The following TRHDE variants were observed in gnomAD, a reference collection of about 807,000 sequenced individuals.
TRHDE encodes thyrotropin-releasing hormone-degrading ectoenzyme.
In TRHDE, 72 loss-of-function variants were observed where a neutral mutation model predicts 125.7. The observed-to-expected ratio is 0.57, with a 90% CI of 0.47 to 0.70. The LOEUF (loss-of-function observed/expected upper bound fraction) is 0.70. Ranked by LOEUF, TRHDE falls within the 30% of genes least tolerant of loss-of-function variation. The pLI is 0.00. For missense variants in TRHDE, 1,110 were observed against 1,327.1 expected (o/e 0.84, Z 2.54); for synonymous variants, 509 against 509.1 (o/e 1.00, Z 0.00).
chr12:72,411,074 G>A (rs929209382), intron 3 of TRHDE, among the ~76,000 whole-genome samples: 4 of 151,920 alleles, frequency 2.6e-5, no homozygotes, highest in Admixed American at 6.6e-5. Flanking sequence ...GTGGTGGCAG[G>A]CACCTGTAGT....
chr12:72,383,787 C>A, intron 3 of TRHDE, among the ~76,000 whole-genome samples: 1 of 149,778 alleles, frequency 6.7e-6, no homozygotes, highest in East Asian at 2.0e-4. Context: ...TATGTTTTGA[C>A]CACACAGCAG....
At chr12:72,594,446 G>A (rs1000576505) in intron 12 of TRHDE, among the ~76,000 whole-genome samples, 16 of 150,624 alleles carry the variant, frequency 1.1e-4, no homozygotes, top group African/African-American at 2.2e-4. Flanking sequence ...TCGAACTCCC[G>A]GCCTCAGGTC....
intron 3 of TRHDE, among the ~76,000 whole-genome samples, chr12:72,420,186 T>C (rs749896372): frequency 6.6e-6 from 1 of 152,142 alleles, no homozygotes; most frequent in Non-Finnish European, 1.5e-5. Context: ...CTAAGATCAA[T>C]ACTAAAATTA....
intron 2 of TRHDE, among the ~76,000 whole-genome samples, chr12:72,310,551 T>C (rs749552240): frequency 7.2e-5 from 11 of 152,178 alleles, no homozygotes; most frequent in Non-Finnish European, 1.3e-4. Flanking sequence ...AGTGTGAAAA[T>C]GCTATGAAAT....
intron 3 of TRHDE, among the ~76,000 whole-genome samples, chr12:72,448,086 T>G (rs1283686358): frequency 6.6e-6 from 1 of 152,128 alleles, no homozygotes; most frequent in Non-Finnish European, 1.5e-5. Flanking sequence ...ATTTGTTGTT[T>G]TGAAAGCCTG....
chr12:72,210,217 T>A (rs1252367586), intron 2 of TRHDE, among the ~76,000 whole-genome samples: 1 of 126,134 alleles, frequency 7.9e-6, no homozygotes, highest in East Asian at 2.4e-4. Context: ...TACTTTCTGA[T>A]AAAGTAGCAT....
chr12:72,603,239 G>A (rs1713625865), intron 12 of TRHDE, among the ~76,000 whole-genome samples: 1 of 152,146 alleles, frequency 6.6e-6, no homozygotes, highest in Non-Finnish European at 1.5e-5. Context: ...TCAGGCAAAT[G>A]GAAAGTAAGC....
chr12:72,402,617 T>G (rs1873090876), intron 3 of TRHDE, among the ~76,000 whole-genome samples: 1 of 152,218 alleles, frequency 6.6e-6, no homozygotes, highest in Non-Finnish European at 1.5e-5. Context: ...TCATCTTAAG[T>G]TGATCCTGTG....
intron 5 of TRHDE, among the ~76,000 whole-genome samples, chr12:72,494,465 C>T (rs1877816153): frequency 6.6e-6 from 1 of 152,000 alleles, no homozygotes; most frequent in Admixed American, 6.6e-5. Context: ...TTAGATTATT[C>T]TATGATTTTT....
chr12:72,588,278 G>A (rs545174601), intron 12 of TRHDE, among the ~76,000 whole-genome samples: 2 of 152,244 alleles, frequency 1.3e-5, no homozygotes, highest in East Asian at 3.9e-4. Flanking sequence ...ATGGTGGTCA[G>A]GGAAGCCCTC....
At chr12:72,509,434 T>C (rs1461958104) in intron 6 of TRHDE, among the ~76,000 whole-genome samples, 2 of 152,164 alleles carry the variant, frequency 1.3e-5, no homozygotes, top group Admixed American at 1.3e-4. Context: ...CCTAAACTCA[T>C]GGTGCTACTG....
intron 2 of TRHDE, among the ~76,000 whole-genome samples, chr12:72,346,442 C>T (rs1425062800): frequency 6.6e-6 from 1 of 150,620 alleles, no homozygotes; most frequent in Non-Finnish European, 1.5e-5. Flanking sequence ...CAACATAGAG[C>T]TGTTGGGTCT....
At chr12:72,238,339 T>TTATATATATATATATATATATACACATTA (rs1878401545) in intron 2 of TRHDE, among the ~76,000 whole-genome samples, 1 of 21,156 alleles carries the variant, frequency 4.7e-5, no homozygotes, top group East Asian at 8.3e-4. Flanking sequence ...TATATACACA[T>TTATATATATATATATATATATACACATTA]TATATATATA....
intron 2 of TRHDE, among the ~76,000 whole-genome samples, chr12:72,138,020 G>C (rs1876023677): frequency 6.6e-6 from 1 of 152,198 alleles, no homozygotes; most frequent in African/African-American, 2.4e-5. Context: ...GCCAATTCCT[G>C]GGCCTCGCCC....
intron 2 of TRHDE, among the ~76,000 whole-genome samples, chr12:72,124,037 A>G (rs1246005380): frequency 4.6e-5 from 7 of 152,158 alleles, no homozygotes; most frequent in Admixed American, 4.6e-4. Context: ...TTGTACAGGC[A>G]TATAATTTTC....
intron 6 of TRHDE, among the ~76,000 whole-genome samples, chr12:72,533,660 T>A (rs545838079): frequency 1.2e-4 from 18 of 151,728 alleles, no homozygotes; most frequent in Non-Finnish European, 2.5e-4. Context: ...ATTTTATTAG[T>A]TTTTTCATGG....
chr12:72,253,714 C>T (rs1878740838), intron 2 of TRHDE: 1 of 152,108 alleles, frequency 6.6e-6, no homozygotes, highest in Admixed American at 6.6e-5. Context: ...GAAGTAATTC[C>T]TATCCCTAAC....
intron 15 of TRHDE, among the ~76,000 whole-genome samples, chr12:72,637,083 A>T (rs1250923868): frequency 6.6e-6 from 1 of 152,210 alleles, no homozygotes; most frequent in Non-Finnish European, 1.5e-5. Flanking sequence ...GAATGGTACC[A>T]GTTCCTCCTT....
intron 12 of TRHDE, among the ~76,000 whole-genome samples, chr12:72,578,192 T>C (rs1164389256): frequency 6.6e-6 from 1 of 152,184 alleles, no homozygotes; most frequent in Non-Finnish European, 1.5e-5. Flanking sequence ...CTTTTATGAA[T>C]GATCTCCATC....
Sources: gnomAD v4.1 joint callset for allele counts (sites outside exome capture counted in the v4.1 genomes callset) on GRCh38, gnomAD v4.1.1 for gene constraint, MANE v1.5 for transcripts, NCBI Gene and HGNC (gene_info 2026-07-23, HGNC 2026-07-21) for gene names.